DHX30: variants seen among roughly 807,000 people sequenced by gnomAD.
The protein encoded by DHX30 is ATP-dependent RNA helicase DHX30.
DHX30 carries 4 observed loss-of-function variants against 116.9 expected under a neutral mutation model. That is an observed-to-expected ratio of 0.03 (90% CI 0.02 to 0.08). DHX30 has a LOEUF of 0.08. DHX30 is among the 10% of genes least tolerant of loss of function. The pLI is 1.00. For synonymous variants in DHX30, 697 were observed against 651.7 expected (o/e 1.07, Z -1.06); for missense variants, 871 against 1,595.1 (o/e 0.55, Z 7.73).
intron 7 of DHX30, 43 bp downstream of exon 7, chr3:47,841,221 T>A: frequency 6.2e-7 from 1 of 1,602,058 alleles, no homozygotes; most frequent in South Asian, 1.1e-5. Flanking sequence ...TGGCTGTGCC[T>A]TGACACGGGG....
chr3:47,820,661 C>T (rs552786699), intron 4 of DHX30, among the ~76,000 whole-genome samples: 23 of 152,178 alleles, frequency 1.5e-4, no homozygotes, highest in South Asian at 1.0e-3. Context: ...AGCATTCTCC[C>T]GTGTATTCAG....
intron 4 of DHX30, 159 bp downstream of exon 4, chr3:47,818,276 T>G: frequency 5.4e-5 from 33 of 613,834 alleles, no homozygotes; most frequent in South Asian, 4.7e-4. Context: ...AGAAATTACT[T>G]GGAAAAGTCT....
In DHX30 at chr3:47,828,414, C is replaced by T. The variant is rs565617233; in HGVS notation, c.256-610C>T. ...GGTTGAGGCTGCAGTAAGCTGTGATCGTGCCACTGCACTCCAGCCTGGGCA... is the reference window on the plus strand; with the variant it reads ...GGTTGAGGCTGCAGTAAGCTGTGATTGTGCCACTGCACTCCAGCCTGGGCA... On this transcript the variant is annotated intron_variant, in intron 5 of 21. Coordinates refer to ENST00000445061, the MANE Select transcript of DHX30 (RefSeq NM_138615.3). 9.5e-5 allele frequency among the ~76,000 whole-genome samples: 14 copies of T among 146,930 alleles called. No individual in the cohort carries two copies. The South Asian group carries it at 2.2e-3, about 23-fold the overall frequency.
intron 9 of DHX30, 123 bp from the exon 10 acceptor site, chr3:47,845,577 C>A: frequency 8.4e-7 from 1 of 1,193,752 alleles, no homozygotes; most frequent in Non-Finnish European, 1.1e-6. Context: ...ACCATGTCAG[C>A]CAAAATCCAA....
chr3:47,847,804 G>A lies in DHX30; in HGVS notation c.2134G>A (p.Asp712Asn), dbSNP rs572948694. The part of the protein sequence containing the change: ...LPVHSNIPMM[D>N]QKAIFQQPPV... ...AGTGCACTCCAACATCCCCATGATG[G>A]ATCAGAAGGCCATATTCCAGCAGCC... Residue 712 changes from aspartate (D) to asparagine (N), a missense_variant, in exon 14 of 22, where the codon GAT (aspartate) becomes AAT (asparagine). Around this residue, in one of 13 missense-constraint regions of DHX30, gnomAD observed 49 missense variants for 60.9 expected, o/e 0.80. Coordinates refer to ENST00000445061, the MANE Select transcript of DHX30 (RefSeq NM_138615.3). The surrounding 1 kb of genome is among the most constrained non-coding windows in gnomAD (Gnocchi z 5.5). 9.9e-6 allele frequency: 16 copies of A among 1,614,076 alleles called. No individual in the cohort carries two copies. In the Admixed American group the frequency reaches 1.5e-4, roughly 15 times the overall value.
chr3:47,820,192 T>C (rs774738654), intron 4 of DHX30, among the ~76,000 whole-genome samples: 53 of 152,268 alleles, frequency 3.5e-4, no homozygotes, highest in Admixed American at 9.8e-4. Context: ...TGCATGCCTG[T>C]AATCCCAGCT....
In DHX30 at chr3:47,848,432, G is replaced by A. The variant is rs772988043; in HGVS notation, c.2494-37G>A. 10 of 1,613,958 alleles carry A rather than the reference G, an allele frequency of 6.2e-6. No homozygotes were observed. In the South Asian group the frequency reaches 9.9e-5, roughly 16 times the overall value. On this transcript the variant is annotated intron_variant, in intron 15 of 21. Coordinates refer to ENST00000445061, the MANE Select transcript of DHX30 (RefSeq NM_138615.3). This position sits in a 1 kb window ranked among gnomAD's most constrained non-coding sequence, Gnocchi z 9.4. ...GGCTGGCCTGGGGACCAGGCAGGTG[G>A]GAGGCAGGCTCATGGCGGGCTCTGG... is the stretch of plus-strand genomic sequence containing the variant.
chr3:47,844,378 C>T (rs915341060), intron 9 of DHX30, among the ~76,000 whole-genome samples: 3 of 152,226 alleles, frequency 2.0e-5, no homozygotes, highest in Non-Finnish European at 4.4e-5. Flanking sequence ...CTGATGCACA[C>T]GCACTGTGAG....
Position 47,850,137 on chromosome 3 carries a change from GGCT to G in DHX30, c.*19_*21del. 6.4e-7 allele frequency: 1 copy of G among 1,573,332 alleles called. No individual in the cohort carries two copies. The highest frequency in any genetic ancestry group is 1.1e-5 in the South Asian group (1 of 87,748). On this transcript the variant is annotated 3_prime_UTR_variant, in exon 22 of 22. Transcript: ENST00000445061. Reference sequence around the variant, plus strand: ...GACGACTGAGCCCTGCTTCTGCTGGGGCTGTGTACAGAGTGCAAATGTTTATTT... The same window carrying G: ...GACGACTGAGCCCTGCTTCTGCTGGGGTGTACAGAGTGCAAATGTTTATTT...
intron 4 of DHX30, among the ~76,000 whole-genome samples, chr3:47,823,303 C>G (rs914984724): frequency 1.2e-4 from 18 of 151,348 alleles, no homozygotes; most frequent in Admixed American, 1.1e-3. Flanking sequence ...CACAACCAAA[C>G]CGAGACAAAG....
intron 3 of DHX30, among the ~76,000 whole-genome samples, chr3:47,815,723 CAAAAAAAA>C (rs11349970): frequency 9.6e-5 from 2 of 20,758 alleles, no homozygotes; most frequent in East Asian, 1.9e-3. Flanking sequence ...TAAAAAAGAG[CAAAAAAAA>C]AAAAAAAAAA....
At chr3:47,824,472 A>G (rs1185929508) in intron 4 of DHX30, among the ~76,000 whole-genome samples, 3 of 151,904 alleles carry the variant, frequency 2.0e-5, no homozygotes, top group Non-Finnish European at 4.4e-5. Context: ...TTAAACTTTT[A>G]ATAGAGTTGG....
Position 47,847,867 on chromosome 3 carries a change from A to G in DHX30, c.2197A>G (p.Ile733Val). Residue 733 changes from isoleucine (I) to valine (V), a missense_variant, in exon 14 of 22, where the codon ATT becomes GTT. Ile to Val is a conservative substitution (Grantham distance 29). This residue lies in a region of DHX30 where 20 missense variants were observed against 82.2 expected (regional missense o/e 0.24). Coordinates refer to ENST00000445061, the MANE Select transcript of DHX30 (RefSeq NM_138615.3). This position sits in a 1 kb window ranked among gnomAD's most constrained non-coding sequence, Gnocchi z 5.5. Reference protein sequence around the residue: ...GVRKIVLATNIAETSITINDI... With the variant: ...GVRKIVLATNVAETSITINDI... ...GCGCAAGATTGTCTTGGCCACCAAC[A>G]TTGCTGAGACTTCCATCACAATCAA... is the stretch of plus-strand genomic sequence containing the variant. 1 of 1,614,184 alleles carries G rather than the reference A, an allele frequency of 6.2e-7. No individual in the cohort carries two copies. The highest frequency in any genetic ancestry group is 8.5e-7 in the Non-Finnish European group (1 of 1,180,044).
chr3:47,824,530 G>T (rs1037264585), intron 4 of DHX30, among the ~76,000 whole-genome samples: 1 of 152,066 alleles, frequency 6.6e-6, no homozygotes, highest in Non-Finnish European at 1.5e-5. Flanking sequence ...GGGCTCAGGG[G>T]ATCCATCCGC....
At chr3:47,807,036 T>C (rs2035559692) in intron 2 of DHX30, among the ~76,000 whole-genome samples, 1 of 151,730 alleles carries the variant, frequency 6.6e-6, no homozygotes, top group African/African-American at 2.4e-5. Flanking sequence ...TGAAACACTG[T>C]CTCTACCAAA....
chr3:47,818,822 A>C (rs2036169153), intron 4 of DHX30, among the ~76,000 whole-genome samples: 1 of 152,140 alleles, frequency 6.6e-6, no homozygotes, highest in South Asian at 2.1e-4. Flanking sequence ...GTGCTCCTGG[A>C]AGCCTTTTTG....
Position 47,829,785 on chromosome 3 carries a change from T to C in DHX30, c.366+651T>C, listed in dbSNP as rs541765044. ...CTGTTTTTCTTTTCTCATCATTTCA[T>C]GTAGGTTTTTCTCTATCGCAATGTA... On this transcript the variant is annotated intron_variant, in intron 6 of 21. Coordinates refer to ENST00000445061, the MANE Select transcript of DHX30 (RefSeq NM_138615.3). 2.0e-5 allele frequency among the ~76,000 whole-genome samples: 3 copies of C among 152,282 alleles called. No individual in the cohort carries two copies. In the South Asian group the frequency reaches 6.2e-4, roughly 32 times the overall value.
intron 2 of DHX30, 93 bp downstream of exon 2, chr3:47,805,513 A>G: frequency 2.5e-6 from 1 of 397,450 alleles, no homozygotes; most frequent in Non-Finnish European, 4.4e-6. Flanking sequence ...ATTTCTGACC[A>G]TTTTGGAAGA....
chr3:47,816,917 TAAA>T, intron 3 of DHX30: 1 of 919,348 alleles, frequency 1.1e-6, no homozygotes, highest in Non-Finnish European at 1.3e-6. Context: ...TCAATTTTAA[TAAA>T]AAAAAAAATA....
Sources: gnomAD v4.1 joint callset for allele counts (sites outside exome capture counted in the v4.1 genomes callset) on GRCh38, gnomAD v4.1.1 for gene constraint, gnomAD v4.1.1 regional missense constraint, Gnocchi (gnomAD v3.1) non-coding constraint, MANE v1.5 for transcripts, NCBI Gene and HGNC (gene_info 2026-07-23, HGNC 2026-07-21) for gene names.